The following DLC1 variants were observed in gnomAD, a reference collection of about 807,000 sequenced individuals.
The protein encoded by DLC1 is DLC1 Rho GTPase activating protein.
A neutral mutation model predicts 140.3 loss-of-function variants in DLC1; 54 were observed. That is an observed-to-expected ratio of 0.38 (90% CI 0.31 to 0.48). The LOEUF is 0.48. DLC1 is among the 20% of genes least tolerant of loss of function. The probability of loss-of-function intolerance (pLI) is 0.96; values close to 1 mark genes in which losing one functional copy is unlikely to be tolerated. For missense variants in DLC1, 2,536 were observed against 1,907.0 expected, an observed-to-expected ratio of 1.33 and a Z score of -6.14; for synonymous variants, 986 against 728.1, an observed-to-expected ratio of 1.35 and a Z score of -5.70.
intron 1 of DLC1, among the ~76,000 whole-genome samples, chr8:13,561,854 G>A (rs774157842): frequency 6.6e-6 from 1 of 152,192 alleles, no homozygotes; most frequent in East Asian, 1.9e-4. Flanking sequence ...AGTTCAAAAT[G>A]TGTTGGAGGT....
chr8:13,331,057 C>T (rs1833565818), intron 4 of DLC1, among the ~76,000 whole-genome samples: 1 of 152,186 alleles, frequency 6.6e-6, no homozygotes, highest in Non-Finnish European at 1.5e-5. Flanking sequence ...TCACTACCTT[C>T]TTTATGATTC....
intron 2 of DLC1, among the ~76,000 whole-genome samples, chr8:13,417,646 T>C (rs2117329061): frequency 6.6e-6 from 1 of 152,260 alleles, no homozygotes; most frequent in East Asian, 1.9e-4. Flanking sequence ...GTCTTTGCTA[T>C]TGTGAATAGT....
intron 1 of DLC1, among the ~76,000 whole-genome samples, chr8:13,544,995 C>A (rs935049087): frequency 2.6e-5 from 4 of 152,110 alleles, no homozygotes; most frequent in African/African-American, 9.7e-5. Context: ...TGGAACTGTG[C>A]AGTACTGCAG....
intron 2 of DLC1, among the ~76,000 whole-genome samples, chr8:13,472,588 C>G (rs1425220520): frequency 6.6e-6 from 1 of 152,144 alleles, no homozygotes; most frequent in Non-Finnish European, 1.5e-5. Flanking sequence ...GTTGAAACCC[C>G]CTCATGCTCT....
chr8:13,374,204 T>A (rs17215039), intron 4 of DLC1, among the ~76,000 whole-genome samples: 9,583 of 152,312 alleles, frequency 0.063, 376 homozygotes, highest in South Asian at 0.13. Flanking sequence ...TGTAGTTTGC[T>A]ATGGATTCAG....
chr8:13,205,430 G>A (rs1827612900), intron 5 of DLC1, among the ~76,000 whole-genome samples: 1 of 152,102 alleles, frequency 6.6e-6, no homozygotes, highest in Non-Finnish European at 1.5e-5. Flanking sequence ...TCTGTTAAGG[G>A]GAGATTGTGG....
At position 13,088,466 on chromosome 8, in the gene DLC1, AAAC is replaced by A; in HGVS notation, c.4292+18_4292+20del. On this transcript the variant is annotated intron_variant, in intron 16 of 17. Transcript: ENST00000276297. The stretch of plus-strand genomic sequence containing the variant: ...ATATGGAGTCATCCTTGTCACAAAA[AAAC>A]AACTGGGAAGCGCTCACCTTAAAAC... The A allele has an allele frequency of 1.2e-6, 2 of 1,613,620 alleles. No homozygotes were observed. Among genetic ancestry groups the A allele is most frequent in the Non-Finnish European group, 1.7e-6 (2 of 1,179,648 alleles).
intron 5 of DLC1, among the ~76,000 whole-genome samples, chr8:13,188,664 G>T (rs1407111295): frequency 7.0e-6 from 1 of 142,180 alleles, no homozygotes; most frequent in East Asian, 2.0e-4. Context: ...AAGTGCAGTG[G>T]TGTGATCTTG....
chr8:13,090,486 C>G lies in DLC1; in HGVS notation c.3856-16G>C. ...CCTCGGGAACCTGTGCGGAACATGA[C>G]AGACAGAAAGGAGGTGAGTCCACCT... On this transcript the variant is annotated splice_polypyrimidine_tract_variant and intron_variant, in intron 14 of 17. Coordinates refer to ENST00000276297, the MANE Select transcript of DLC1 (RefSeq NM_182643.3). The G allele has an allele frequency of 6.2e-7, 1 of 1,612,658 alleles. No individual in the cohort carries two copies. The highest frequency in any genetic ancestry group is 8.5e-7 in the Non-Finnish European group (1 of 1,179,714).
chr8:13,309,830 A>G (rs1239659678), intron 4 of DLC1, among the ~76,000 whole-genome samples: 1 of 152,164 alleles, frequency 6.6e-6, no homozygotes, highest in African/African-American at 2.4e-5. Flanking sequence ...ACAATTGACA[A>G]TCTGAATGTC....
At chr8:13,286,269 G>T (rs1831531737) in intron 5 of DLC1, among the ~76,000 whole-genome samples, 1 of 152,078 alleles carries the variant, frequency 6.6e-6, no homozygotes, top group South Asian at 2.1e-4. Flanking sequence ...AGGTGGAGAG[G>T]AGGTGGTTTT....
intron 2 of DLC1, among the ~76,000 whole-genome samples, chr8:13,465,894 G>A (rs1257791674): frequency 6.6e-6 from 1 of 151,988 alleles, no homozygotes; most frequent in Non-Finnish European, 1.5e-5. Flanking sequence ...TTAGAATCAG[G>A]ACTTTGTCAC....
rs658948 is a variant in DLC1, at chr8:13,094,721, C to T, written c.3526+38G>A. ...ACAAGCTTCAGTTGGTCCCATTTTT[C>T]CCCAATGCCAACAATCTTAAGATCA... is the stretch of plus-strand genomic sequence containing the variant. On this transcript the variant is annotated intron_variant, in intron 12 of 17. Transcript: ENST00000276297. 877,760 of 1,610,604 alleles carry T rather than the reference C, an allele frequency of 0.54. 242,795 individuals carry two copies. Among genetic ancestry groups the T allele is most frequent in the Middle Eastern group, 0.66 (3,998 of 6,050 alleles).
chr8:13,312,648 T>C (rs146205727), intron 4 of DLC1, among the ~76,000 whole-genome samples: 1,728 of 152,184 alleles, frequency 0.011, 14 homozygotes, highest in South Asian at 0.041. Flanking sequence ...AAAAAATGCC[T>C]ATTAAAATTA....
intron 5 of DLC1, among the ~76,000 whole-genome samples, chr8:13,231,232 T>A (rs2117200133): frequency 6.6e-6 from 1 of 151,820 alleles, no homozygotes; most frequent in African/African-American, 2.4e-5. Flanking sequence ...AAAAAAAAAA[T>A]CAAGTGCGGG....
At chr8:13,579,690 A>C (rs73563431) in intron 1 of DLC1, among the ~76,000 whole-genome samples, 4,438 of 144,418 alleles carry the variant, frequency 0.031, 138 homozygotes, top group East Asian at 0.14. Flanking sequence ...GTATATTTAT[A>C]TATCTTATTA....
intron 1 of DLC1, among the ~76,000 whole-genome samples, chr8:13,552,265 A>G (rs183893189): frequency 3.2e-4 from 48 of 148,628 alleles, no homozygotes; most frequent in African/African-American, 1.1e-3. Context: ...CTACATATAT[A>G]CCTATATACA....
intron 2 of DLC1, among the ~76,000 whole-genome samples, chr8:13,433,139 G>C (rs980814960): frequency 6.6e-6 from 1 of 152,038 alleles, no homozygotes; most frequent in Non-Finnish European, 1.5e-5. Context: ...CTATTGAAGA[G>C]AACAGGCATT....
intron 5 of DLC1, among the ~76,000 whole-genome samples, chr8:13,116,982 C>G (rs899082587): frequency 6.6e-6 from 1 of 152,044 alleles, no homozygotes; most frequent in Non-Finnish European, 1.5e-5. Context: ...GGAAGAACTT[C>G]GATGTTTACA....
Sources: gnomAD v4.1 joint callset for allele counts (sites outside exome capture counted in the v4.1 genomes callset) on GRCh38, gnomAD v4.1.1 for gene constraint, MANE v1.5 for transcripts, NCBI Gene and HGNC (gene_info 2026-07-23, HGNC 2026-07-21) for gene names.